The following PPFIA2 variants were observed in gnomAD, a reference collection of about 807,000 sequenced individuals.
PPFIA2 encodes liprin-alpha-2.
PPFIA2 carries 46 observed loss-of-function variants against 175.5 expected under a neutral mutation model. That is an observed-to-expected ratio of 0.26 (90% CI 0.21 to 0.34). The LOEUF is 0.34. Ranked by LOEUF, PPFIA2 falls within the 10% of genes least tolerant of loss-of-function variation. The pLI is 1.00. For synonymous variants in PPFIA2, 568 were observed against 511.4 expected (o/e 1.11, Z -1.49); for missense variants, 1,179 against 1,506.1 (o/e 0.78, Z 3.60).
At chr12:81,470,540 C>T (rs767888282) in intron 4 of PPFIA2, among the ~76,000 whole-genome samples, 7 of 152,090 alleles carry the variant, frequency 4.6e-5, no homozygotes, top group South Asian at 4.1e-4. Flanking sequence ...ATAGAGTTAT[C>T]GTATGGTCTA....
chr12:81,507,270 G>A (rs2061277461), intron 4 of PPFIA2, among the ~76,000 whole-genome samples: 1 of 151,934 alleles, frequency 6.6e-6, no homozygotes, highest in African/African-American at 2.4e-5. Context: ...ATATCTAAAT[G>A]GAAACTGCAT....
intron 14 of PPFIA2, among the ~76,000 whole-genome samples, chr12:81,363,790 T>C (rs994763477): frequency 1.3e-5 from 2 of 151,884 alleles, no homozygotes; most frequent in Non-Finnish European, 2.9e-5. Flanking sequence ...ATTTCTCTGC[T>C]AGACATATAA....
chr12:81,620,304 C>A, intron 4 of PPFIA2, among the ~76,000 whole-genome samples: 1 of 151,842 alleles, frequency 6.6e-6, no homozygotes, highest in East Asian at 1.9e-4. Context: ...TATGCTACAG[C>A]TAAATCATAA....
intron 16 of PPFIA2, among the ~76,000 whole-genome samples, chr12:81,357,610 C>G (rs1478761969): frequency 6.6e-6 from 1 of 151,968 alleles, no homozygotes; most frequent in Non-Finnish European, 1.5e-5. Flanking sequence ...TTTAAAATAC[C>G]AATTTTAATT....
chr12:81,512,120 T>G (rs984592070), intron 4 of PPFIA2, among the ~76,000 whole-genome samples: 2 of 152,102 alleles, frequency 1.3e-5, no homozygotes, highest in Non-Finnish European at 2.9e-5. Context: ...TTCTGCCTGC[T>G]TTTAAGTTTT....
At chr12:81,278,744 T>A (rs950434999) in intron 27 of PPFIA2, among the ~76,000 whole-genome samples, 1 of 152,094 alleles carries the variant, frequency 6.6e-6, no homozygotes, top group Non-Finnish European at 1.5e-5. Flanking sequence ...AGTGACATTA[T>A]GTATAAAGAT....
At chr12:81,368,035 C>A (rs1006291372) in intron 13 of PPFIA2, 6 of 1,096,898 alleles carry the variant, frequency 5.5e-6, no homozygotes, top group African/African-American at 1.6e-5. Context: ...AAATGTCTAG[C>A]TAAAATAGTG....
At chr12:81,506,276 C>G (rs2061160731) in intron 4 of PPFIA2, among the ~76,000 whole-genome samples, 1 of 152,214 alleles carries the variant, frequency 6.6e-6, no homozygotes, top group South Asian at 2.1e-4. Context: ...TTCTTGTCTG[C>G]CTGAAAATTT....
At chr12:81,480,032 T>C (rs1382937934) in intron 4 of PPFIA2, among the ~76,000 whole-genome samples, 3 of 152,190 alleles carry the variant, frequency 2.0e-5, no homozygotes, top group Non-Finnish European at 2.9e-5. Flanking sequence ...TCCCCATCAC[T>C]TTCAGGTACA....
chr12:81,727,436 A>C (rs1227099364), intron 3 of PPFIA2, among the ~76,000 whole-genome samples: 1 of 151,408 alleles, frequency 6.6e-6, no homozygotes, highest in Non-Finnish European at 1.5e-5. Flanking sequence ...AAGTAATATA[A>C]TTTCATTGCC....
At chr12:81,698,576 G>A (rs2076143226) in intron 3 of PPFIA2, among the ~76,000 whole-genome samples, 2 of 152,130 alleles carry the variant, frequency 1.3e-5, no homozygotes, top group South Asian at 4.1e-4. Context: ...TGAATAAAGA[G>A]CCAGAGGAAA....
intron 4 of PPFIA2, among the ~76,000 whole-genome samples, chr12:81,460,620 C>T (rs2054359137): frequency 6.6e-6 from 1 of 151,956 alleles, no homozygotes. Flanking sequence ...TGGAGTTAAC[C>T]ACCAAACATT....
At chr12:81,642,657 T>TATAATATATA (rs1491417980) in intron 4 of PPFIA2, among the ~76,000 whole-genome samples, 3 of 114,370 alleles carry the variant, frequency 2.6e-5, no homozygotes, top group Non-Finnish European at 3.7e-5. Flanking sequence ...CATGTATGTA[T>TATAATATATA]CTATTATATA....
chr12:81,605,122 ATTTTG>A (rs1009602929), intron 4 of PPFIA2, among the ~76,000 whole-genome samples: 2 of 151,826 alleles, frequency 1.3e-5, no homozygotes, highest in Non-Finnish European at 2.9e-5. Flanking sequence ...CTGGAAAATA[ATTTTG>A]TTTTAAGAAA....
intron 4 of PPFIA2, among the ~76,000 whole-genome samples, chr12:81,632,372 A>G (rs7960683): frequency 0.45 from 69,034 of 151,740 alleles, 16,861 homozygotes; most frequent in Middle Eastern, 0.58. Context: ...ACATAATTTG[A>G]AAAACATATA....
Position 81,369,982 on chromosome 12 carries a change from T to C in PPFIA2, c.1267-788A>G, listed in dbSNP as rs926951602. 2.0e-5 allele frequency among the ~76,000 whole-genome samples: 3 copies of C among 151,890 alleles called. No homozygotes were observed. The South Asian group carries it at 6.2e-4, about 31-fold the overall frequency. ...GTGATGGCTGGCAATGAAAGACTAC[T>C]ACAGAATGAATAAAGCAACTCTGAA... On this transcript the variant is annotated intron_variant, in intron 11 of 32. Transcript: ENST00000549396.
chr12:81,589,739 G>A (rs2058458206), intron 4 of PPFIA2, among the ~76,000 whole-genome samples: 1 of 152,060 alleles, frequency 6.6e-6, no homozygotes, highest in Non-Finnish European at 1.5e-5. Flanking sequence ...GTTATTAAAT[G>A]CTGATTTGGG....
At position 81,758,474 on chromosome 12, in the gene PPFIA2, G is replaced by A. The variant is rs2085038246; in HGVS notation, c.-77C>T. 1 of 456,372 alleles carries A rather than the reference G, an allele frequency of 2.2e-6. No homozygotes were observed. Among genetic ancestry groups the A allele is most frequent in the Non-Finnish European group, 4.4e-6 (1 of 226,750 alleles). The allele number at this position is 456,372 out of a possible 1,614,324, so 28.3% of individuals were successfully genotyped here. ...CCGCAGTCTCCGGCTTGAGGAGAAGGGAGGCTCACACCCAGCACTCCTGGA... is the reference window on the plus strand; with the variant it reads ...CCGCAGTCTCCGGCTTGAGGAGAAGAGAGGCTCACACCCAGCACTCCTGGA... On this transcript the variant is annotated 5_prime_UTR_variant, in exon 2 of 33. Transcript: ENST00000549396.
At chr12:81,649,388 T>C (rs2066664873) in intron 4 of PPFIA2, among the ~76,000 whole-genome samples, 3 of 152,168 alleles carry the variant, frequency 2.0e-5, no homozygotes, top group Admixed American at 2.0e-4. Context: ...TCCACTAAAA[T>C]GACTAAAATT....
Sources: allele counts gnomAD v4.1 joint callset (sites outside exome capture counted in the v4.1 genomes callset), GRCh38; gene constraint gnomAD v4.1.1; transcripts MANE v1.5; gene names NCBI Gene and HGNC (gene_info 2026-07-23, HGNC 2026-07-21).